The following HS6ST3 variants were observed in gnomAD, a reference collection of about 807,000 sequenced individuals.
The protein encoded by HS6ST3 is heparan-sulfate 6-O-sulfotransferase 3.
Under a neutral mutation model 36.7 loss-of-function variants are expected in HS6ST3, and 12 were observed. The ratio of observed to expected loss-of-function variants is 0.33; its 90% CI spans 0.21 to 0.53. The LOEUF (loss-of-function observed/expected upper bound fraction) is 0.53, where lower values mean the gene tolerates loss of function less well. Among genes scored for constraint, HS6ST3 ranks in the 20% least tolerant of loss-of-function variants. The pLI, the probability that HS6ST3 is intolerant of heterozygous loss-of-function variation, is 0.95. For synonymous variants in HS6ST3, 240 were observed against 257.5 expected (o/e 0.93, Z 0.65); for missense variants, 584 against 640.9 (o/e 0.91, Z 0.96).
chr13:96,237,580 A>T (rs923678951), intron 1 of HS6ST3, among the ~76,000 whole-genome samples: 11 of 152,100 alleles, frequency 7.2e-5, no homozygotes, highest in African/African-American at 1.9e-4. Context: ...TTCCTCCCTT[A>T]TATCTGCTCC....
intron 1 of HS6ST3, among the ~76,000 whole-genome samples, chr13:96,160,895 A>T (rs6492834): frequency 0.81 from 123,786 of 152,088 alleles, 50,826 homozygotes; most frequent in East Asian, 0.91. Flanking sequence ...TCACAAAGGG[A>T]GGTGGTACTT....
intron 1 of HS6ST3, among the ~76,000 whole-genome samples, chr13:96,096,884 G>C (rs1201440372): frequency 6.6e-6 from 1 of 152,102 alleles, no homozygotes; most frequent in Non-Finnish European, 1.5e-5. Flanking sequence ...CTTCTAATTA[G>C]AATTGTTGAA....
At chr13:96,185,180 T>C (rs1002008278) in intron 1 of HS6ST3, among the ~76,000 whole-genome samples, 1 of 152,234 alleles carries the variant, frequency 6.6e-6, no homozygotes, top group Non-Finnish European at 1.5e-5. Flanking sequence ...GTCAGCCATT[T>C]ACCAATTTGG....
rs76358222 is a variant in HS6ST3 at position 96,374,129 on chromosome 13, C to T, written c.707+282560C>T. On this transcript the variant is annotated intron_variant, in intron 1 of 1. Coordinates refer to ENST00000376705, the MANE Select transcript of HS6ST3 (RefSeq NM_153456.4). ...TCTTAATGCTTATTAATCTGTTGCA[C>T]AGTTAACTATCCTGTCAAATGTCCT... 3.4e-3 allele frequency among the ~76,000 whole-genome samples: 514 copies of T among 152,166 alleles called. 9 individuals carry two copies. Among genetic ancestry groups the T allele is most frequent in the East Asian group, 0.022 (115 of 5,174 alleles).
intron 1 of HS6ST3, among the ~76,000 whole-genome samples, chr13:96,373,495 G>A (rs76021865): frequency 5.5e-4 from 83 of 152,258 alleles, no homozygotes; most frequent in African/African-American, 1.9e-3. Flanking sequence ...AGTGAGAAGA[G>A]TATAAATGTG....
At chr13:96,747,310 A>G (rs1413122051) in intron 1 of HS6ST3, among the ~76,000 whole-genome samples, 1 of 151,494 alleles carries the variant, frequency 6.6e-6, no homozygotes, top group East Asian at 1.9e-4. Flanking sequence ...AAGAAAAAAG[A>G]TCAATTATAT....
At chr13:96,300,793 A>G (rs925045081) in intron 1 of HS6ST3, among the ~76,000 whole-genome samples, 8 of 152,322 alleles carry the variant, frequency 5.3e-5, no homozygotes, top group African/African-American at 1.7e-4. Context: ...ATTGATAAAA[A>G]TGTATAGTTT....
At chr13:96,628,199 A>G (rs2056519652) in intron 1 of HS6ST3, among the ~76,000 whole-genome samples, 1 of 151,952 alleles carries the variant, frequency 6.6e-6, no homozygotes, top group African/African-American at 2.4e-5. Context: ...ACAAGTTTTA[A>G]TATGCAGTAT....
At chr13:96,207,102 T>C (rs910542923) in intron 1 of HS6ST3, among the ~76,000 whole-genome samples, 5 of 151,984 alleles carry the variant, frequency 3.3e-5, no homozygotes, top group African/African-American at 1.2e-4. Flanking sequence ...TTAAACAAAT[T>C]TACAAGAAAA....
chr13:96,818,643 C>T (rs1045546907), intron 1 of HS6ST3, among the ~76,000 whole-genome samples: 6 of 152,252 alleles, frequency 3.9e-5, no homozygotes, highest in Non-Finnish European at 8.8e-5. Flanking sequence ...AATGCACAGG[C>T]GCAATTAGCA....
chr13:96,821,808 A>G (rs983849092), intron 1 of HS6ST3, among the ~76,000 whole-genome samples: 22 of 152,222 alleles, frequency 1.4e-4, no homozygotes, highest in African/African-American at 5.1e-4. Flanking sequence ...AAATCCTAAA[A>G]CAGAAGTATC....
At chr13:96,821,084 T>C (rs1048074837) in intron 1 of HS6ST3, among the ~76,000 whole-genome samples, 3 of 152,268 alleles carry the variant, frequency 2.0e-5, no homozygotes, top group Non-Finnish European at 2.9e-5. Flanking sequence ...CTAATGCCCC[T>C]TCCTCAAGTG....
chr13:96,408,065 G>A (rs9300354), intron 1 of HS6ST3, among the ~76,000 whole-genome samples: 73,181 of 151,884 alleles, frequency 0.48, 18,025 homozygotes, highest in Middle Eastern at 0.59. Flanking sequence ...TCAGCCTCCC[G>A]AGTAGCTGGG....
intron 1 of HS6ST3, among the ~76,000 whole-genome samples, chr13:96,420,219 T>A (rs954998165): frequency 6.6e-6 from 1 of 151,964 alleles, no homozygotes; most frequent in Non-Finnish European, 1.5e-5. Context: ...GGGGAAAGAG[T>A]GCTGGGAGTC....
chr13:96,151,294 C>G (rs2054083680), intron 1 of HS6ST3, among the ~76,000 whole-genome samples: 2 of 151,758 alleles, frequency 1.3e-5, no homozygotes, highest in South Asian at 4.2e-4. Flanking sequence ...ATCATGACTA[C>G]TTGGGAAGCT....
At chr13:96,184,304 A>G (rs1310141489) in intron 1 of HS6ST3, among the ~76,000 whole-genome samples, 1 of 151,058 alleles carries the variant, frequency 6.6e-6, no homozygotes, top group East Asian at 2.0e-4. Flanking sequence ...AATTTTTTTA[A>G]GTCTTCTTTT....
rs573582721 is a variant in HS6ST3, at chr13:96,598,024, G to A, written c.708-234466G>A. 6.6e-5 allele frequency among the ~76,000 whole-genome samples: 10 copies of A among 151,906 alleles called. 1 individual carries two copies. The highest frequency in any genetic ancestry group is 4.2e-4 in the South Asian group (2 of 4,796). On this transcript the variant is annotated intron_variant, in intron 1 of 1. Coordinates refer to ENST00000376705, the MANE Select transcript of HS6ST3 (RefSeq NM_153456.4). ...TTCTCTGTGTCTGTTCTGTTCCACC[G>A]GTCTCTGTGTCTGCTTTTATACCAG...
intron 1 of HS6ST3, among the ~76,000 whole-genome samples, chr13:96,527,941 C>A (rs1217510343): frequency 6.6e-6 from 1 of 152,104 alleles, no homozygotes; most frequent in Non-Finnish European, 1.5e-5. Context: ...ATGGTGGAGC[C>A]CTAGTGCCTT....
intron 1 of HS6ST3, among the ~76,000 whole-genome samples, chr13:96,284,361 C>T (rs570683370): frequency 2.7e-4 from 41 of 152,196 alleles, no homozygotes; most frequent in African/African-American, 9.6e-4. Context: ...GTAGGGAAGC[C>T]GACAATGCAG....
Sources: allele counts gnomAD v4.1 joint callset (sites outside exome capture counted in the v4.1 genomes callset), GRCh38; gene constraint gnomAD v4.1.1; transcripts MANE v1.5; gene names NCBI Gene and HGNC (gene_info 2026-07-23, HGNC 2026-07-21).